MOSPD1: variants seen among roughly 807,000 people sequenced by gnomAD.
MOSPD1 encodes the protein motile sperm domain containing 1.
Under a neutral mutation model 16.7 loss-of-function variants are expected in MOSPD1, and 5 were observed. The ratio of observed to expected loss-of-function variants is 0.30; its 90% CI spans 0.16 to 0.63. The LOEUF (loss-of-function observed/expected upper bound fraction) is 0.63, where lower values mean the gene tolerates loss of function less well. MOSPD1 is among the 30% of genes least tolerant of loss of function. The pLI is 0.82. For missense variants in MOSPD1, 104 were observed against 153.6 expected (o/e 0.68, Z 1.71); for synonymous variants, 67 against 59.2 (o/e 1.13, Z -0.61).
chrX:134,899,368 C>T lies in MOSPD1; in HGVS notation c.66G>A (p.Thr22=). ...EGNLPVFVFP[T]ELIFYADDQS... ...GATCATCTGCATAAAATATGAGCTC[C>T]GTGGGGAACACGAAAACAGGAAGAT... Residue 22 remains threonine, a synonymous_variant, in exon 2 of 6, where the codon ACG becomes ACA. Coordinates refer to ENST00000370783, the MANE Select transcript of MOSPD1 (RefSeq NM_019556.3). The T allele has an allele frequency of 8.3e-7, 1 of 1,198,811 alleles. No individual in the cohort carries two copies. Among genetic ancestry groups the T allele is most frequent in the Non-Finnish European group, 1.1e-6 (1 of 891,479 alleles).
At chrX:134,906,095 T>C (rs2082939547) in intron 1 of MOSPD1, among the ~76,000 whole-genome samples, 2 of 110,891 alleles carry the variant, frequency 1.8e-5, no homozygotes, top group African/African-American at 3.3e-5. Flanking sequence ...GCTATCTCCT[T>C]GTTACTATAA....
chrX:134,889,928 G>A (rs1019555878), intron 5 of MOSPD1, among the ~76,000 whole-genome samples: 5 of 110,410 alleles, frequency 4.5e-5, no homozygotes, highest in Admixed American at 2.9e-4. Flanking sequence ...AAAATTAGCC[G>A]GGTGTGGTGG....
intron 1 of MOSPD1, among the ~76,000 whole-genome samples, chrX:134,905,903 A>G (rs2082938973): frequency 8.9e-6 from 1 of 112,292 alleles, no homozygotes; most frequent in African/African-American, 3.2e-5. Flanking sequence ...AATTAACCAC[A>G]CAGACAAATG....
chrX:134,913,621 T>G (rs1372997579), intron 1 of MOSPD1, among the ~76,000 whole-genome samples: 2 of 111,816 alleles, frequency 1.8e-5, no homozygotes, highest in Non-Finnish European at 3.8e-5. Flanking sequence ...GAAGCATGCA[T>G]TGTTTTACAA....
At chrX:134,912,583 T>C (rs962460659) in intron 1 of MOSPD1, among the ~76,000 whole-genome samples, 4 of 107,713 alleles carry the variant, frequency 3.7e-5, no homozygotes, top group Non-Finnish European at 7.7e-5. Flanking sequence ...CAAGCAATCT[T>C]CCCACCTCAG....
At chrX:134,891,044 G>A (rs2082860853) in intron 5 of MOSPD1, among the ~76,000 whole-genome samples, 1 of 111,457 alleles carries the variant, frequency 9.0e-6, no homozygotes, top group Non-Finnish European at 1.9e-5. Context: ...TTAGTTTAAA[G>A]AGAAAGGTTC....
chrX:134,909,397 C>G (rs1329983748), intron 1 of MOSPD1, among the ~76,000 whole-genome samples: 1 of 111,978 alleles, frequency 8.9e-6, no homozygotes, highest in Non-Finnish European at 1.9e-5. Context: ...TGCTTGGTCA[C>G]AGTGTACCAG....
intron 4 of MOSPD1, 38 bp downstream of exon 4, chrX:134,896,779 A>C: frequency 9.8e-7 from 1 of 1,015,623 alleles, no homozygotes; most frequent in Non-Finnish European, 1.4e-6. Context: ...AATAATGTGT[A>C]AGACCTCAAA....
At chrX:134,897,112 A>G in intron 3 of MOSPD1, 78 bp from the exon 4 acceptor site, 2 of 617,434 alleles carry the variant, frequency 3.2e-6, no homozygotes, top group East Asian at 3.5e-5. Flanking sequence ...ATATTTTAAT[A>G]TATTAAACAA....
chrX:134,900,783 G>A (rs1300179297), intron 1 of MOSPD1, among the ~76,000 whole-genome samples: 2 of 109,613 alleles, frequency 1.8e-5, no homozygotes, highest in East Asian at 5.7e-4. Flanking sequence ...GCCCTGGTTG[G>A]ATTTGAACTC....
At chrX:134,915,153 T>C (rs1348492308) in intron 1 of MOSPD1, 29 bp downstream of exon 1, 1 of 112,522 alleles carries the variant, frequency 8.9e-6, no homozygotes, top group Non-Finnish European at 1.9e-5. Context: ...TCAGAGGAAG[T>C]GGGTGACGGG....
In MOSPD1 at chrX:134,897,064, T is replaced by A. The variant is rs760384000; in HGVS notation, c.231-30A>T. 54 of 1,080,647 alleles carry A rather than the reference T, an allele frequency of 5.0e-5. No homozygotes were observed. The South Asian group carries it at 8.5e-4, about 17-fold the overall frequency. 89.1% of individuals were successfully genotyped at this position (1,080,647 alleles called of 1,213,427 possible). A position where few individuals can be genotyped will look rare whatever the true frequency, so the allele number is the denominator to read the frequency against. ...AAACAGCAAAAATAACAAATGCTGT[T>A]TAGATTTCTGGGGGCCGGCCAAACA... On this transcript the variant is annotated intron_variant, in intron 3 of 5. Coordinates refer to ENST00000370783, the MANE Select transcript of MOSPD1 (RefSeq NM_019556.3).
chrX:134,896,670 C>A lies in MOSPD1; in HGVS notation c.448+147G>T, dbSNP rs968163092. The stretch of plus-strand genomic sequence containing the variant: ...CAGGCTTCTTGTTCTACTTCAGGTA[C>A]CTGATTCTCTAGGTGCAGTTTTGAA... On this transcript the variant is annotated intron_variant, in intron 4 of 5. Coordinates refer to ENST00000370783, the MANE Select transcript of MOSPD1 (RefSeq NM_019556.3). 8 of 469,918 alleles carry A rather than the reference C, an allele frequency of 1.7e-5. No individual in the cohort carries two copies. The African/African-American group carries it at 2.0e-4, about 12-fold the overall frequency. The allele number at this position is 469,918 out of a possible 1,213,427, so 38.7% of individuals were successfully genotyped here.
intron 4 of MOSPD1, among the ~76,000 whole-genome samples, chrX:134,892,285 A>C (rs1188267376): frequency 8.9e-6 from 1 of 112,476 alleles, no homozygotes; most frequent in African/African-American, 3.2e-5. Flanking sequence ...AAAACAGCAG[A>C]AACAGTATCT....
At chrX:134,898,694 C>T (rs184900045) in intron 3 of MOSPD1, among the ~76,000 whole-genome samples, 43 of 111,911 alleles carry the variant, frequency 3.8e-4, no homozygotes, top group Non-Finnish European at 6.0e-4. Context: ...TTATATTACC[C>T]TTGTTCTTAG....
chrX:134,908,123 A>T (rs754139238), intron 1 of MOSPD1, among the ~76,000 whole-genome samples: 1 of 112,256 alleles, frequency 8.9e-6, no homozygotes, highest in African/African-American at 3.2e-5. Context: ...TTGACTTCTC[A>T]GTTAGATTTT....
chrX:134,910,029 G>A (rs1353553684), intron 1 of MOSPD1, among the ~76,000 whole-genome samples: 2 of 111,670 alleles, frequency 1.8e-5, no homozygotes, highest in African/African-American at 6.5e-5. Flanking sequence ...GTCATTTCAA[G>A]ATGCGCAATT....
At chrX:134,899,587 TA>T (rs1246333636) in intron 1 of MOSPD1, 53 bp from the exon 2 acceptor site, 1 of 511,806 alleles carries the variant, frequency 2.0e-6, no homozygotes, top group Non-Finnish European at 3.1e-6. Context: ...CAATTTTCAT[TA>T]ATCTATAGCC....
rs776491884 is a variant in MOSPD1 at position 134,909,947 on chromosome X, A to G, written c.-102+5235T>C. 2.7e-5 allele frequency among the ~76,000 whole-genome samples: 3 copies of G among 111,593 alleles called. No homozygotes were observed. In the East Asian group the frequency reaches 8.4e-4, roughly 31 times the overall value. The stretch of plus-strand genomic sequence containing the variant: ...TAATGTCTCTTTGAAAACAATTCAT[A>G]TTTTCAAATGTGTTATTTACAACCC... On this transcript the variant is annotated intron_variant, in intron 1 of 5. Transcript: ENST00000370783.
Sources: gnomAD v4.1 joint callset for allele counts (sites outside exome capture counted in the v4.1 genomes callset) on GRCh38, gnomAD v4.1.1 for gene constraint, MANE v1.5 for transcripts, NCBI Gene and HGNC (gene_info 2026-07-23, HGNC 2026-07-21) for gene names.